The following EPB41L5 variants were observed in gnomAD, a reference collection of about 807,000 sequenced individuals.
EPB41L5 encodes the protein band 4.1-like protein 5.
A neutral mutation model predicts 106.6 loss-of-function variants in EPB41L5; 55 were observed. The observed-to-expected ratio is 0.52, with a 90% CI of 0.42 to 0.65. The LOEUF (loss-of-function observed/expected upper bound fraction) is 0.65. EPB41L5 is among the 30% of genes least tolerant of loss of function. EPB41L5 has a pLI of 0.00. For missense variants in EPB41L5, 871 were observed against 882.1 expected, an observed-to-expected ratio of 0.99 and a Z score of 0.16; for synonymous variants, 297 against 306.7, an observed-to-expected ratio of 0.97 and a Z score of 0.33.
At chr2:120,024,701 C>T (rs538458438) in intron 2 of EPB41L5, among the ~76,000 whole-genome samples, 8 of 152,240 alleles carry the variant, frequency 5.3e-5, no homozygotes, top group East Asian at 1.9e-4. Flanking sequence ...CCTCATGATC[C>T]GCCCACTTCG....
intron 16 of EPB41L5, chr2:120,108,353 T>G (rs1407001015): frequency 1.3e-5 from 2 of 152,170 alleles, no homozygotes; most frequent in Non-Finnish European, 2.9e-5. Flanking sequence ...TAGCTCATTT[T>G]TTGTTGTTGA....
At chr2:120,110,468 T>C (rs1684671144) in intron 16 of EPB41L5, among the ~76,000 whole-genome samples, 1 of 152,174 alleles carries the variant, frequency 6.6e-6, no homozygotes, top group African/African-American at 2.4e-5. Flanking sequence ...CCTGAACTTT[T>C]AAATTTCCAC....
rs763194537 is a variant in EPB41L5 at position 120,131,619 on chromosome 2, A to G, written c.1503A>G (p.Thr501=). ...TTTGCCTTTTTTTTTTCTTTTCAGCATTAAAAGACACCTCAGAGAAGCTCA... is the reference window on the plus strand; with the variant it reads ...TTTGCCTTTTTTTTTTCTTTTCAGCGTTAAAAGACACCTCAGAGAAGCTCA... ...GLGEPEVEYE[T]LKDTSEKLKQ... is the part of the protein sequence containing the mutation. Residue 501 remains threonine (T), a splice_region_variant and synonymous_variant, in exon 18 of 25, where the codon ACA becomes ACG. Transcript: ENST00000263713. 4.3e-6 allele frequency: 7 copies of G among 1,610,446 alleles called. No individual in the cohort carries two copies. In the African/African-American group the frequency reaches 5.4e-5, roughly 12 times the overall value.
intron 3 of EPB41L5, among the ~76,000 whole-genome samples, chr2:120,061,896 T>C (rs1681106674): frequency 3.3e-5 from 5 of 152,182 alleles, no homozygotes; most frequent in Admixed American, 2.6e-4. Context: ...TGGTTCTTGA[T>C]GTAAGCATGG....
At chr2:120,035,741 A>T (rs1196403602) in intron 2 of EPB41L5, among the ~76,000 whole-genome samples, 1 of 152,238 alleles carries the variant, frequency 6.6e-6, no homozygotes, top group African/African-American at 2.4e-5. Context: ...CTTTAATTTT[A>T]AAAGAAATTC....
rs1340272409 is a variant in EPB41L5, at chr2:120,090,496, A to G, written c.1023A>G (p.Leu341=). The G allele has an allele frequency of 2.5e-6, 4 of 1,612,410 alleles. No individual in the cohort carries two copies. The highest frequency in any genetic ancestry group is 3.4e-6 in the Non-Finnish European group (4 of 1,179,458). The part of the protein sequence containing the change: ...KSSHRSGFIR[L]GSRFRYSGKT... ...CTCATCGATCAGGATTTATTCGACT[A>G]GGATCACGATTTAGATATAGGTTAA... is the stretch of plus-strand genomic sequence containing the variant. The change falls in exon 12 of 25, where the codon CTA becomes CTG. Residue 341 remains leucine, a synonymous_variant. Coordinates refer to ENST00000263713, the MANE Select transcript of EPB41L5 (RefSeq NM_020909.4).
At chr2:120,040,328 G>A (rs1024073174) in intron 2 of EPB41L5, among the ~76,000 whole-genome samples, 8 of 152,116 alleles carry the variant, frequency 5.3e-5, no homozygotes, top group African/African-American at 1.4e-4. Context: ...GTAACATTAC[G>A]AAGAAAGAAA....
intron 3 of EPB41L5, among the ~76,000 whole-genome samples, chr2:120,062,986 T>G (rs1016832508): frequency 1.3e-5 from 2 of 152,090 alleles, no homozygotes; most frequent in African/African-American, 4.8e-5. Context: ...ATAGAGGGTA[T>G]TTTGAAGTGG....
intron 2 of EPB41L5, among the ~76,000 whole-genome samples, chr2:120,031,260 C>T (rs1293470138): frequency 1.3e-5 from 2 of 152,206 alleles, no homozygotes; most frequent in African/African-American, 4.8e-5. Flanking sequence ...ACAACCAGCT[C>T]CGCTTGAATT....
Position 120,164,904 on chromosome 2 carries a change from A to T in EPB41L5, c.1956A>T (p.Ala652=), listed in dbSNP as rs1164977542. ...AGAATCTAATTGATCACACAGTTGC[A>T]CCTCAGGTAAATATGCTTTAAAATA... ...LTENLIDHTV[A]PQVSSTSMIT... The change falls in exon 22 of 25, where the codon GCA becomes GCT. Residue 652 remains alanine, a synonymous_variant. Transcript: ENST00000263713. 1.2e-6 allele frequency: 2 copies of T among 1,608,448 alleles called. No homozygotes were observed. Among genetic ancestry groups the T allele is most frequent in the South Asian group, 2.2e-5 (2 of 90,294 alleles).
chr2:120,078,832 T>C (rs994539779), intron 10 of EPB41L5, among the ~76,000 whole-genome samples: 2 of 152,168 alleles, frequency 1.3e-5, no homozygotes, highest in Non-Finnish European at 1.5e-5. Flanking sequence ...AATATTTATA[T>C]TTTTATATGT....
Position 120,076,957 on chromosome 2 carries a change from A to C in EPB41L5, c.506-14A>C. Reference sequence around the variant, plus strand: ...GCAGGAAATACATATAACTTTTGAAACTTATGTTTATAGCTGAACTTGGTG... The same window carrying C: ...GCAGGAAATACATATAACTTTTGAACCTTATGTTTATAGCTGAACTTGGTG... On this transcript the variant is annotated splice_polypyrimidine_tract_variant and intron_variant, in intron 7 of 24. Transcript: ENST00000263713. 6.4e-7 allele frequency: 1 copy of C among 1,572,432 alleles called. No homozygotes were observed. Among genetic ancestry groups the C allele is most frequent in the Non-Finnish European group, 8.6e-7 (1 of 1,160,294 alleles).
chr2:120,050,386 T>C (rs1361712791), intron 3 of EPB41L5, among the ~76,000 whole-genome samples: 1 of 152,208 alleles, frequency 6.6e-6, no homozygotes, highest in Non-Finnish European at 1.5e-5. Flanking sequence ...TTCTCTAAAC[T>C]TCTCACTTCA....
At chr2:120,132,497 G>C (rs928459636) in intron 18 of EPB41L5, among the ~76,000 whole-genome samples, 1 of 152,176 alleles carries the variant, frequency 6.6e-6, no homozygotes, top group South Asian at 2.1e-4. Flanking sequence ...TTAGAGACCA[G>C]CAGAGAGTAG....
At chr2:120,056,958 G>C (rs893820627) in intron 3 of EPB41L5, among the ~76,000 whole-genome samples, 1 of 152,008 alleles carries the variant, frequency 6.6e-6, no homozygotes, top group Non-Finnish European at 1.5e-5. Context: ...GTGTAGTGAC[G>C]CCATCACAGC....
intron 1 of EPB41L5, among the ~76,000 whole-genome samples, chr2:120,014,471 G>GT (rs1267057683): frequency 6.6e-6 from 1 of 152,214 alleles, no homozygotes; most frequent in Non-Finnish European, 1.5e-5. Flanking sequence ...TTGTGTGTGA[G>GT]TGGGGGAAGT....
At chr2:120,066,098 T>G (rs1168290541) in intron 3 of EPB41L5, among the ~76,000 whole-genome samples, 4 of 151,766 alleles carry the variant, frequency 2.6e-5, no homozygotes, top group African/African-American at 7.3e-5. Context: ...GGGCAGAGAC[T>G]GGGGGGAACT....
At chr2:120,097,607 ACTT>A (rs1334351706) in intron 14 of EPB41L5, among the ~76,000 whole-genome samples, 7 of 152,212 alleles carry the variant, frequency 4.6e-5, no homozygotes, top group Admixed American at 2.6e-4. Context: ...AATTACTAGT[ACTT>A]CTTATACAGG....
intron 2 of EPB41L5, among the ~76,000 whole-genome samples, chr2:120,036,031 C>T (rs537994601): frequency 1.3e-5 from 2 of 152,046 alleles, no homozygotes; most frequent in Admixed American, 1.3e-4. Flanking sequence ...GGTCTTACCC[C>T]CTGTTCCAAA....
Sources: gnomAD v4.1 joint callset for allele counts (sites outside exome capture counted in the v4.1 genomes callset) on GRCh38, gnomAD v4.1.1 for gene constraint, MANE v1.5 for transcripts, NCBI Gene and HGNC (gene_info 2026-07-23, HGNC 2026-07-21) for gene names.